The following ZNF10 variants were observed in gnomAD, a reference collection of about 807,000 sequenced individuals.
The protein encoded by ZNF10 is zinc finger protein 10 (KOX 1).
ZNF10 carries 8 observed loss-of-function variants against 12.2 expected under a neutral mutation model. The ratio of observed to expected loss-of-function variants is 0.66; its 90% CI spans 0.39 to 1.18. ZNF10 has a LOEUF of 1.18. Among genes scored for constraint, ZNF10 ranks in the 50% most tolerant of loss-of-function variants. ZNF10 has a pLI of 0.01. For synonymous variants in ZNF10, 229 were observed against 228.2 expected (o/e 1.00, Z -0.03); for missense variants, 603 against 678.9 (o/e 0.89, Z 1.24).
chr12:133,151,326 T>C (rs774209207), intron 3 of ZNF10, among the ~76,000 whole-genome samples, 172 bp downstream of exon 3: 10 of 152,138 alleles, frequency 6.6e-5, no homozygotes, highest in Non-Finnish European at 1.0e-4. Context: ...TGTTTTAATG[T>C]ATTGAAGTTT....
rs749564687 is a variant in ZNF10, at chr12:133,156,838, C to A, written c.1592C>A (p.Pro531Gln). The part of the protein sequence containing the change: ...QCGIIFSQNS[P>Q]FIVHQIAHTG... ...GGCATTATCTTCAGCCAGAACTCTC[C>A]ATTTATAGTTCATCAAATAGCTCAC... is the stretch of plus-strand genomic sequence containing the variant. Residue 531 changes from proline to glutamine, a missense_variant, in exon 5 of 5, where the codon CCA (proline) becomes CAA (glutamine). Pro to Gln is a moderately conservative substitution (Grantham distance 76, BLOSUM62 -1). This residue lies in a region of ZNF10 where 204 missense variants were observed against 262.8 expected (regional missense o/e 0.78). Coordinates refer to ENST00000248211, the MANE Select transcript of ZNF10 (RefSeq NM_015394.5). 6.3e-5 allele frequency: 96 copies of A among 1,533,116 alleles called. No individual in the cohort carries two copies. The highest frequency in any genetic ancestry group is 7.7e-5 in the Non-Finnish European group (88 of 1,144,292). The allele number at this position is 1,533,116 out of a possible 1,614,324, so 95.0% of individuals were successfully genotyped here.
intron 4 of ZNF10, among the ~76,000 whole-genome samples, chr12:133,154,121 G>T (rs547352648): frequency 4.6e-5 from 7 of 151,752 alleles, no homozygotes; most frequent in Non-Finnish European, 2.9e-5. Flanking sequence ...TTTGTCGGCG[G>T]GGGGGATACA....
At chr12:133,135,144 A>G (rs1955903605) in intron 1 of ZNF10, among the ~76,000 whole-genome samples, 1 of 152,200 alleles carries the variant, frequency 6.6e-6, no homozygotes, top group Non-Finnish European at 1.5e-5. Flanking sequence ...CACTCTTGAT[A>G]GCTACCTGAA....
intron 1 of ZNF10, among the ~76,000 whole-genome samples, chr12:133,134,772 T>C (rs1044414343): frequency 1.3e-4 from 20 of 151,808 alleles, no homozygotes; most frequent in African/African-American, 4.6e-4. Flanking sequence ...GTAGAAAATA[T>C]AGACTTTATT....
intron 1 of ZNF10, among the ~76,000 whole-genome samples, chr12:133,132,936 TC>T (rs1392705283): frequency 6.6e-6 from 1 of 152,188 alleles, no homozygotes; most frequent in Non-Finnish European, 1.5e-5. Flanking sequence ...TACCCATCTG[TC>T]CCTCTTTTTA....
In ZNF10 at chr12:133,155,806, A is replaced by AAT. The variant is rs765181013; in HGVS notation, c.561_562insTA (p.Arg188TyrfsTer9). 6.2e-7 allele frequency: 1 copy of AAT among 1,613,828 alleles called. No individual in the cohort carries two copies. The highest frequency in any genetic ancestry group is 8.5e-7 in the Non-Finnish European group (1 of 1,179,912). On this transcript the variant is annotated frameshift_variant, in exon 5 of 5. Transcript: ENST00000248211. LOFTEE classifies it low-confidence loss of function (END_TRUNC). ...CTAGTACTGAGAGAGTATTTCCATA[A>AAT]ACGTGACTCACATACTAAAAGTTTA...
intron 1 of ZNF10, among the ~76,000 whole-genome samples, chr12:133,133,197 G>C (rs1229001586): frequency 6.6e-6 from 1 of 152,104 alleles, no homozygotes; most frequent in African/African-American, 2.4e-5. Flanking sequence ...ATTGGTTACC[G>C]AGTTTTAACT....
chr12:133,143,289 G>A (rs12303321), intron 1 of ZNF10, among the ~76,000 whole-genome samples: 13,342 of 151,818 alleles, frequency 0.088, 1,089 homozygotes, highest in African/African-American at 0.22. Flanking sequence ...CACTGTGAAT[G>A]TACTTAATGC....
In ZNF10 at chr12:133,155,435, CA is replaced by C. The variant is rs1447762974; in HGVS notation, c.257-67del. On this transcript the variant is annotated intron_variant, in intron 4 of 4. Coordinates refer to ENST00000248211, the MANE Select transcript of ZNF10 (RefSeq NM_015394.5). ...GTGTACATCTTGCATACTTTGTCTC[CA>C]CATACATCCTAGCATTCTCACCTTA... is the stretch of plus-strand genomic sequence containing the variant. 5.4e-6 allele frequency: 8 copies of C among 1,472,810 alleles called. No individual in the cohort carries two copies. The African/African-American group carries it at 1.1e-4, about 21-fold the overall frequency. 91.2% of individuals were successfully genotyped at this position (1,472,810 alleles called of 1,614,324 possible). A position where few individuals can be genotyped will look rare whatever the true frequency, so the allele number is the denominator to read the frequency against.
intron 1 of ZNF10, chr12:133,139,271 A>C (rs1054570904): frequency 6.6e-6 from 1 of 152,228 alleles, no homozygotes; most frequent in East Asian, 1.9e-4. Flanking sequence ...AGAATGGATA[A>C]TGTTTGATCT....
At chr12:133,137,036 TC>T (rs1001146516) in intron 1 of ZNF10, among the ~76,000 whole-genome samples, 1 of 152,112 alleles carries the variant, frequency 6.6e-6, no homozygotes, top group Non-Finnish European at 1.5e-5. Context: ...CTGATATTGT[TC>T]TCCATTTAGT....
Position 133,155,567 on chromosome 12 carries a change from A to G in ZNF10, c.321A>G (p.Gln107=), listed in dbSNP as rs1275573303. ...GCAGGAGCATTTTTAAAGATAAGCA[A>G]TCCTGTGACATTAAAATGGAAGGAA... ...VSSRSIFKDK[Q]SCDIKMEGMA... is the part of the protein sequence containing the mutation. The change falls in exon 5 of 5, where the codon CAA becomes CAG. Residue 107 remains glutamine (Q), a synonymous_variant. Transcript: ENST00000248211. The G allele has an allele frequency of 2.5e-6, 4 of 1,610,654 alleles. No individual in the cohort carries two copies. The highest frequency in any genetic ancestry group is 1.1e-5 in the South Asian group (1 of 89,846).
Position 133,158,794 on chromosome 12 carries a change from C to T in ZNF10, c.*1826C>T, listed in dbSNP as rs955827695. The stretch of plus-strand genomic sequence containing the variant: ...TGGTTAGAATCAGGAGACTTGAGAA[C>T]TACGAGGAACATGGCAGCCTCTAGC... On this transcript the variant is annotated 3_prime_UTR_variant, in exon 5 of 5. Transcript: ENST00000248211. 11 of 152,186 alleles carry T rather than the reference C, an allele frequency of 7.2e-5. No individual in the cohort carries two copies. The highest frequency in any genetic ancestry group is 1.3e-4 in the Non-Finnish European group (9 of 68,044). 9.4% of individuals were successfully genotyped at this position (152,186 alleles called of 1,614,324 possible). A position where few individuals can be genotyped will look rare whatever the true frequency, so the allele number is the denominator to read the frequency against.
chr12:133,138,877 A>G (rs1955928247), intron 1 of ZNF10, among the ~76,000 whole-genome samples: 1 of 152,098 alleles, frequency 6.6e-6, no homozygotes. Flanking sequence ...GGGTTCGTAC[A>G]CCTCTTTATC....
chr12:133,155,960 C>T lies in ZNF10; in HGVS notation c.714C>T (p.Tyr238=), dbSNP rs1473868074. 1.2e-6 allele frequency: 2 copies of T among 1,614,096 alleles called. No homozygotes were observed. Among genetic ancestry groups the T allele is most frequent in the Admixed American group, 3.3e-5 (2 of 60,020 alleles). Residue 238 remains tyrosine, a synonymous_variant, in exon 5 of 5, where the codon TAC becomes TAT. Transcript: ENST00000248211. ...GAACTCACACAGGTGATAAATCCTA[C>T]AAATGCCCTGATAATGACAACTCTC... ...FARTHTGDKS[Y]KCPDNDNSLT... is the part of the protein sequence containing the mutation.
rs1205392757 is a variant in ZNF10 at position 133,156,619 on chromosome 12, A to C, written c.1373A>C (p.Glu458Ala). 2.5e-6 allele frequency: 4 copies of C among 1,614,126 alleles called. No individual in the cohort carries two copies. The South Asian group carries it at 4.4e-5, about 18-fold the overall frequency. ...TCACATCAAAGAACCCACACTGGAG[A>C]GAAACCATATGAGTGTCATGATTGT... ...LYSHQRTHTG[E>A]KPYECHDCGK... is the part of the protein sequence containing the mutation. Residue 458 changes from glutamate to alanine, a missense_variant, in exon 5 of 5, where the codon GAG becomes GCG. Glu to Ala is a moderately radical substitution (Grantham distance 107). Around this residue, in one of 3 missense-constraint regions of ZNF10, gnomAD observed 204 missense variants for 262.8 expected, o/e 0.78. Transcript: ENST00000248211.
Position 133,156,759 on chromosome 12 carries a change from A to G in ZNF10, c.1513A>G (p.Ile505Val), listed in dbSNP as rs371017066. The change falls in exon 5 of 5, where the codon ATT (isoleucine) becomes GTT (valine). Residue 505 changes from isoleucine to valine, a missense_variant. Ile to Val is a conservative substitution (Grantham distance 29). Coordinates refer to ENST00000248211, the MANE Select transcript of ZNF10 (RefSeq NM_015394.5). The stretch of plus-strand genomic sequence containing the variant: ...AGCCTTCATCCGGAAGAATGACCTC[A>G]TTAAGCACCAGAGAATTCATGTTGG... Reference protein sequence around the residue: ...GKAFIRKNDLIKHQRIHVGEE... With the variant: ...GKAFIRKNDLVKHQRIHVGEE... 146 of 1,601,200 alleles carry G rather than the reference A, an allele frequency of 9.1e-5. No homozygotes were observed. Among genetic ancestry groups the G allele is most frequent in the Non-Finnish European group, 1.2e-4 (137 of 1,174,978 alleles).
At chr12:133,144,399 A>G in intron 1 of ZNF10, 35 bp from the exon 2 acceptor site, 1 of 1,404,284 alleles carries the variant, frequency 7.1e-7, no homozygotes, top group Non-Finnish European at 9.9e-7. Flanking sequence ...TCCCAGTCAT[A>G]GCAAACTTAA....
chr12:133,155,633 C>T lies in ZNF10; in HGVS notation c.387C>T (p.Val129=). The T allele has an allele frequency of 2.5e-6, 4 of 1,613,996 alleles. No individual in the cohort carries two copies. Among genetic ancestry groups the T allele is most frequent in the Non-Finnish European group, 3.4e-6 (4 of 1,179,984 alleles). The change falls in exon 5 of 5, where the codon GTC becomes GTT. Residue 129 remains valine, a synonymous_variant. Coordinates refer to ENST00000248211, the MANE Select transcript of ZNF10 (RefSeq NM_015394.5). Reference sequence around the variant, plus strand: ...TCTGGTATTTGTCATTAGAAGAAGTCTGGAAATGTAGAGACCAGTTAGACA... The same window carrying T: ...TCTGGTATTTGTCATTAGAAGAAGTTTGGAAATGTAGAGACCAGTTAGACA... ...NDLWYLSLEE[V]WKCRDQLDKY...
Sources: allele counts gnomAD v4.1 joint callset (sites outside exome capture counted in the v4.1 genomes callset), GRCh38; gene constraint gnomAD v4.1.1; regional missense constraint gnomAD v4.1.1; transcripts MANE v1.5; gene names NCBI Gene and HGNC (gene_info 2026-07-23, HGNC 2026-07-21).